QTMAN: variants seen among roughly 807,000 people sequenced by gnomAD.
The protein encoded by QTMAN is tRNA-queuosine alpha-mannosyltransferase.
chr2:144,170,347 C>T, the QTMAN span, among the ~76,000 whole-genome samples: 1 of 152,146 alleles, frequency 6.6e-6, no homozygotes, highest in South Asian at 2.1e-4. Flanking sequence ...AGGTCAAAGA[C>T]AAAGCACTTA....
the QTMAN span, among the ~76,000 whole-genome samples, chr2:144,299,596 G>A: frequency 2.6e-5 from 4 of 152,186 alleles, no homozygotes; most frequent in African/African-American, 9.7e-5. Flanking sequence ...CTGTAATATA[G>A]AGTTCTCTTT....
the QTMAN span, among the ~76,000 whole-genome samples, chr2:143,997,351 C>A: frequency 2.4e-4 from 37 of 152,206 alleles, no homozygotes; most frequent in Admixed American, 2.4e-3. Context: ...GTTTGTTAAA[C>A]TGCTATACGG....
At chr2:144,095,887 C>T in the QTMAN span, among the ~76,000 whole-genome samples, 2 of 152,044 alleles carry the variant, frequency 1.3e-5, no homozygotes, top group East Asian at 1.9e-4. Flanking sequence ...AATCTCCAAC[C>T]AAATAACTTG....
chr2:143,990,188 A>T, the QTMAN span, among the ~76,000 whole-genome samples: 4 of 152,162 alleles, frequency 2.6e-5, no homozygotes. Context: ...TCCTGGCTGC[A>T]CAGTAGAGTT....
At chr2:144,010,168 T>G in the QTMAN span, among the ~76,000 whole-genome samples, 13 of 152,132 alleles carry the variant, frequency 8.5e-5, no homozygotes, top group Non-Finnish European at 1.9e-4. Flanking sequence ...TCATTTATAT[T>G]GGCCAGCATG....
chr2:144,203,412 A>G, the QTMAN span, among the ~76,000 whole-genome samples: 1 of 152,168 alleles, frequency 6.6e-6, no homozygotes, highest in Non-Finnish European at 1.5e-5. Context: ...GAGATGAAAT[A>G]CTGTGGAAGA....
chr2:144,141,882 C>G, the QTMAN span: 3 of 1,605,118 alleles, frequency 1.9e-6, no homozygotes, highest in Admixed American at 1.7e-5. Flanking sequence ...ACATACTGAC[C>G]TGCTCACATC....
chr2:144,262,326 T>C, the QTMAN span, among the ~76,000 whole-genome samples: 1 of 152,028 alleles, frequency 6.6e-6, no homozygotes, highest in Non-Finnish European at 1.5e-5. Context: ...GGTCAAGGGC[T>C]GTAACAATGA....
the QTMAN span, among the ~76,000 whole-genome samples, chr2:143,993,123 A>AT: frequency 6.6e-6 from 1 of 152,194 alleles, no homozygotes; most frequent in African/African-American, 2.4e-5. Context: ...TTTCTCCTTC[A>AT]TAACATTTAT....
At chr2:144,149,727 A>G in the QTMAN span, among the ~76,000 whole-genome samples, 3 of 152,044 alleles carry the variant, frequency 2.0e-5, no homozygotes, top group Non-Finnish European at 2.9e-5. Context: ...TCCAATACAC[A>G]TTGTATCTAC....
the QTMAN span, among the ~76,000 whole-genome samples, chr2:143,967,226 T>C: frequency 6.6e-6 from 1 of 152,210 alleles, no homozygotes; most frequent in Non-Finnish European, 1.5e-5. Flanking sequence ...TAATGGAAGT[T>C]ATTAATAGCA....
At chr2:144,066,093 C>A in the QTMAN span, among the ~76,000 whole-genome samples, 1 of 152,078 alleles carries the variant, frequency 6.6e-6, no homozygotes, top group African/African-American at 2.4e-5. Flanking sequence ...GCTGTGGATT[C>A]TTGTAGACTC....
chr2:144,244,562 A>C, the QTMAN span, among the ~76,000 whole-genome samples: 2 of 152,238 alleles, frequency 1.3e-5, no homozygotes, highest in African/African-American at 4.8e-5. Context: ...AAGTAACATA[A>C]AACTATATCA....
the QTMAN span, among the ~76,000 whole-genome samples, chr2:144,321,820 C>A: frequency 6.6e-6 from 1 of 152,052 alleles, no homozygotes; most frequent in Admixed American, 6.6e-5. Context: ...GTTGACCAGG[C>A]TGGACTCGAA....
the QTMAN span, among the ~76,000 whole-genome samples, chr2:144,073,879 T>C: frequency 2.6e-5 from 4 of 152,304 alleles, no homozygotes; most frequent in South Asian, 8.3e-4. Flanking sequence ...CCGCAAGGCA[T>C]TGTGCCCTAT....
At chr2:144,004,540 T>C in the QTMAN span, among the ~76,000 whole-genome samples, 6 of 152,036 alleles carry the variant, frequency 3.9e-5, no homozygotes, top group African/African-American at 1.2e-4. Context: ...TCACAACATT[T>C]GCATAAATTC....
chr2:144,290,560 A>C, the QTMAN span, among the ~76,000 whole-genome samples: 1 of 152,200 alleles, frequency 6.6e-6, no homozygotes, highest in South Asian at 2.1e-4. Context: ...CAATGCATAT[A>C]AGTCAGAAGG....
the QTMAN span, among the ~76,000 whole-genome samples, chr2:143,951,360 A>G: frequency 6.6e-6 from 1 of 151,620 alleles, no homozygotes; most frequent in African/African-American, 2.4e-5. Flanking sequence ...CTTGATTCAA[A>G]TAAAGAAAAG....
chr2:144,304,724 A>G, the QTMAN span, among the ~76,000 whole-genome samples: 1 of 152,184 alleles, frequency 6.6e-6, no homozygotes, highest in African/African-American at 2.4e-5. Context: ...GGATTACAGA[A>G]GAATTTATTT....
Sources: gnomAD v4.1 joint callset for allele counts (sites outside exome capture counted in the v4.1 genomes callset) on GRCh38, gnomAD v4.1.1 for gene constraint, MANE v1.5 for transcripts, NCBI Gene and HGNC (gene_info 2026-07-23, HGNC 2026-07-21) for gene names.